The following TTC1 variants were observed in gnomAD, a reference collection of about 807,000 sequenced individuals.
TTC1 encodes tetratricopeptide repeat domain 1.
In TTC1, 31 loss-of-function variants were observed where a neutral mutation model predicts 37.6. That is an observed-to-expected ratio of 0.82 (90% CI 0.62 to 1.11). The LOEUF is 1.11. Among genes scored for constraint, TTC1 ranks in the 50% most tolerant of loss-of-function variants. TTC1 has a pLI of 0.00. For synonymous variants in TTC1, 127 were observed against 122.4 expected (o/e 1.04, Z -0.25); for missense variants, 351 against 339.0 (o/e 1.04, Z -0.28).
rs978923159 is a variant in TTC1, at chr5:160,034,126, C to CTTT, written c.331-995_331-993dup. On this transcript the variant is annotated intron_variant, in intron 2 of 7. Transcript: ENST00000231238. ...TGGACAACATAGTGAGACCCTATCT[C>CTTT]TTTTTTTTTTTTTTTTTTTTTAAGG... Among the ~76,000 whole-genome samples the CTTT allele has an allele frequency of 6.1e-5, 7 of 114,554 alleles. No individual in the cohort carries two copies. In the East Asian group the frequency reaches 7.5e-4, roughly 12 times the overall value. The allele number at this position is 114,554 out of a possible 152,430, so 75.2% of individuals were successfully genotyped here.
At chr5:160,051,951 A>C (rs1275989254) in intron 7 of TTC1, among the ~76,000 whole-genome samples, 1 of 152,264 alleles carries the variant, frequency 6.6e-6, no homozygotes, top group Non-Finnish European at 1.5e-5. Flanking sequence ...AAAATCATTT[A>C]AAATAAATTG....
intron 3 of TTC1, among the ~76,000 whole-genome samples, chr5:160,035,829 T>C (rs1011402180): frequency 6.6e-6 from 1 of 152,220 alleles, no homozygotes; most frequent in Non-Finnish European, 1.5e-5. Context: ...CTGTCACATC[T>C]TAAAGTGTAT....
At chr5:160,064,832 A>G in intron 7 of TTC1, 100 bp from the exon 8 acceptor site, 1 of 1,280,514 alleles carries the variant, frequency 7.8e-7, no homozygotes, top group South Asian at 1.5e-5. Flanking sequence ...GCAAAGAGAT[A>G]CTTTTATATT....
At chr5:160,019,746 A>G (rs1393205474) in intron 2 of TTC1, among the ~76,000 whole-genome samples, 2 of 151,730 alleles carry the variant, frequency 1.3e-5, no homozygotes, top group African/African-American at 2.4e-5. Flanking sequence ...CACCACACCC[A>G]GCTAATTTTT....
intron 7 of TTC1, among the ~76,000 whole-genome samples, chr5:160,059,594 T>C (rs1444908691): frequency 2.0e-5 from 3 of 152,244 alleles, no homozygotes; most frequent in South Asian, 2.1e-4. Flanking sequence ...GGATTATTAA[T>C]TGACCTAATT....
intron 2 of TTC1, among the ~76,000 whole-genome samples, chr5:160,026,027 T>C (rs1756798434): frequency 6.6e-6 from 1 of 152,230 alleles, no homozygotes; most frequent in Admixed American, 6.5e-5. Flanking sequence ...AAGTCAGAAT[T>C]CGGTGAGCAT....
At chr5:160,042,494 C>T (rs1341300820) in intron 4 of TTC1, among the ~76,000 whole-genome samples, 1 of 152,148 alleles carries the variant, frequency 6.6e-6, no homozygotes, top group African/African-American at 2.4e-5. Flanking sequence ...ATAGCATGGG[C>T]AATGTTAAAG....
At chr5:160,045,520 A>ACTCTCTCTCT (rs749296749) in intron 5 of TTC1, among the ~76,000 whole-genome samples, 3 of 54,898 alleles carry the variant, frequency 5.5e-5, no homozygotes, top group African/African-American at 8.7e-5. Context: ...ACACATACAC[A>ACTCTCTCTCT]CTCTCTCTCT....
intron 5 of TTC1, among the ~76,000 whole-genome samples, chr5:160,048,932 C>CA (rs2113391504): frequency 7.1e-6 from 1 of 140,974 alleles, no homozygotes; most frequent in South Asian, 2.4e-4. Flanking sequence ...GCCTGGGTGA[C>CA]AGAGCGAGAC....
At chr5:160,051,281 C>T (rs749524421) in intron 7 of TTC1, 98 bp downstream of exon 7, 61 of 944,026 alleles carry the variant, frequency 6.5e-5, no homozygotes, top group Non-Finnish European at 8.6e-5. Context: ...TAGAAAGTTT[C>T]GGACTCTACC....
intron 7 of TTC1, among the ~76,000 whole-genome samples, chr5:160,055,163 C>T (rs140474368): frequency 7.0e-4 from 106 of 152,160 alleles, no homozygotes; most frequent in African/African-American, 2.5e-3. Flanking sequence ...AGGGTAAAGA[C>T]ATCTGTCATC....
At chr5:160,063,881 C>G (rs1466742148) in intron 7 of TTC1, among the ~76,000 whole-genome samples, 2 of 151,452 alleles carry the variant, frequency 1.3e-5, no homozygotes, top group African/African-American at 2.4e-5. Context: ...GGCTCAAACC[C>G]TCCTCTTGCC....
Position 160,010,873 on chromosome 5 carries a change from T to C in TTC1, c.330+15T>C. Reference sequence around the variant, plus strand: ...AAGAGAAACAGGTAAGTATTTTATTTATTGTGCAAGATCTGCCACTTACAC... The same window carrying C: ...AAGAGAAACAGGTAAGTATTTTATTCATTGTGCAAGATCTGCCACTTACAC... On this transcript the variant is annotated intron_variant, in intron 2 of 7. Coordinates refer to ENST00000231238, the MANE Select transcript of TTC1 (RefSeq NM_003314.3). 2 of 1,604,554 alleles carry C rather than the reference T, an allele frequency of 1.2e-6. No homozygotes were observed. Among genetic ancestry groups the C allele is most frequent in the Non-Finnish European group, 8.5e-7 (1 of 1,174,356 alleles).
chr5:160,046,078 C>T (rs929710787), intron 5 of TTC1, among the ~76,000 whole-genome samples: 5 of 152,130 alleles, frequency 3.3e-5, no homozygotes, highest in Admixed American at 2.0e-4. Flanking sequence ...TCTCCTGACC[C>T]AATATTCTCC....
intron 2 of TTC1, among the ~76,000 whole-genome samples, chr5:160,014,496 T>G (rs1561624309): frequency 6.6e-6 from 1 of 151,798 alleles, no homozygotes; most frequent in East Asian, 1.9e-4. Flanking sequence ...AGACCCTGTC[T>G]TTCCAAAAAA....
intron 2 of TTC1, among the ~76,000 whole-genome samples, chr5:160,032,467 G>T (rs896515517): frequency 1.4e-4 from 22 of 152,086 alleles, no homozygotes; most frequent in African/African-American, 5.3e-4. Flanking sequence ...TTGTGATCTT[G>T]TTGAGTGGCA....
chr5:160,027,815 G>A (rs1437625101), intron 2 of TTC1, among the ~76,000 whole-genome samples: 1 of 152,186 alleles, frequency 6.6e-6, no homozygotes, highest in African/African-American at 2.4e-5. Context: ...GTTCTGGTGA[G>A]AAGTCAGAAA....
intron 2 of TTC1, among the ~76,000 whole-genome samples, chr5:160,012,130 C>T (rs1003683139): frequency 2.4e-4 from 36 of 152,150 alleles, no homozygotes; most frequent in African/African-American, 8.7e-4. Context: ...TAACAGGTTT[C>T]AGGCTTTTTA....
rs772787971 is a variant in TTC1 at position 160,049,546 on chromosome 5, A to T, written c.574A>T (p.Ile192Leu). Residue 192 changes from isoleucine to leucine, a missense_variant, in exon 6 of 8, where the codon ATA becomes TTA. By Grantham distance (5) the Ile-to-Leu change is conservative. Transcript: ENST00000231238. ...ATTAAACCCCAGCTATATCAGGGCA[A>T]TATTGAGGAGAGCAGAGTTGTATGA... ...IQLNPSYIRAILRRAELYEKT... is the reference protein window; with the variant it reads ...IQLNPSYIRALLRRAELYEKT... 8 of 1,600,426 alleles carry T rather than the reference A, an allele frequency of 5.0e-6. No homozygotes were observed. The highest frequency in any genetic ancestry group is 6.8e-6 in the Non-Finnish European group (8 of 1,175,266).
Sources: allele counts gnomAD v4.1 joint callset (sites outside exome capture counted in the v4.1 genomes callset), GRCh38; gene constraint gnomAD v4.1.1; transcripts MANE v1.5; gene names NCBI Gene and HGNC (gene_info 2026-07-23, HGNC 2026-07-21).